Variants in HCN1 observed in about 807,000 individuals in gnomAD.
HCN1 encodes the protein potassium/sodium hyperpolarization-activated cyclic nucleotide-gated channel 1.
Under a neutral mutation model 78.9 loss-of-function variants are expected in HCN1, and 13 were observed. The observed-to-expected ratio is 0.16, with a 90% confidence interval of 0.11 to 0.26. The LOEUF (loss-of-function observed/expected upper bound fraction) is 0.26. Among genes scored for constraint, HCN1 ranks in the 10% least tolerant of loss-of-function variants. The pLI is 1.00. For synonymous variants in HCN1, 552 were observed against 455.5 expected, an observed-to-expected ratio of 1.21 and a Z score of -2.70; for missense variants, 810 against 1,154.3, an observed-to-expected ratio of 0.70 and a Z score of 4.32.
At chr5:45,416,985 G>A (rs555224921) in intron 3 of HCN1, among the ~76,000 whole-genome samples, 43 of 151,952 alleles carry the variant, frequency 2.8e-4, no homozygotes, top group African/African-American at 9.9e-4. Flanking sequence ...ATTCATGTAT[G>A]GACAAAATAA....
At chr5:45,266,141 C>CTT (rs975805638) in intron 7 of HCN1, among the ~76,000 whole-genome samples, 11 of 152,280 alleles carry the variant, frequency 7.2e-5, no homozygotes, top group African/African-American at 2.4e-4. Context: ...TCCAAGCTAA[C>CTT]TTTACTATGG....
chr5:45,265,938 A>C (rs1212014020), intron 7 of HCN1, among the ~76,000 whole-genome samples: 1 of 152,118 alleles, frequency 6.6e-6, no homozygotes, highest in African/African-American at 2.4e-5. Flanking sequence ...CTTAGTAGGG[A>C]GTGGGAGGTC....
At chr5:45,372,153 ATATGT>A (rs1747401274) in intron 4 of HCN1, among the ~76,000 whole-genome samples, 2 of 57,258 alleles carry the variant, frequency 3.5e-5, no homozygotes, top group East Asian at 7.7e-4. Flanking sequence ...ATATTATATA[ATATGT>A]TATTATATAT....
chr5:45,298,042 C>A (rs1419277431), intron 6 of HCN1, among the ~76,000 whole-genome samples: 2 of 151,916 alleles, frequency 1.3e-5, no homozygotes, highest in Non-Finnish European at 2.9e-5. Flanking sequence ...TGCTTTCTCC[C>A]AAAATCAAGA....
intron 2 of HCN1, among the ~76,000 whole-genome samples, chr5:45,594,588 T>A (rs1292929098): frequency 6.6e-6 from 1 of 152,198 alleles, no homozygotes; most frequent in East Asian, 1.9e-4. Context: ...CAGTCAGCAA[T>A]GTCACGAGGG....
intron 6 of HCN1, among the ~76,000 whole-genome samples, chr5:45,300,705 CT>C (rs1214027106): frequency 1.3e-5 from 2 of 152,056 alleles, no homozygotes; most frequent in Non-Finnish European, 2.9e-5. Flanking sequence ...GTTGGTACCC[CT>C]AATCTCCACA....
At chr5:45,692,994 A>G (rs576489776) in intron 1 of HCN1, among the ~76,000 whole-genome samples, 1 of 152,294 alleles carries the variant, frequency 6.6e-6, no homozygotes, top group African/African-American at 2.4e-5. Flanking sequence ...CTCAGTTGTT[A>G]AATGATTAAT....
chr5:45,599,170 C>G (rs1156562766), intron 2 of HCN1, among the ~76,000 whole-genome samples: 1 of 152,092 alleles, frequency 6.6e-6, no homozygotes, highest in African/African-American at 2.4e-5. Context: ...AAATAGCCAT[C>G]AATGCTAGAC....
chr5:45,533,627 T>C (rs1276187130), intron 2 of HCN1, among the ~76,000 whole-genome samples: 2 of 152,198 alleles, frequency 1.3e-5, no homozygotes, highest in Non-Finnish European at 2.9e-5. Flanking sequence ...GTTTTTATTA[T>C]GCCAAAATCC....
At chr5:45,593,317 CT>C (rs1561213336) in intron 2 of HCN1, among the ~76,000 whole-genome samples, 46 of 47,280 alleles carry the variant, frequency 9.7e-4, no homozygotes, top group African/African-American at 2.4e-3. Context: ...CTCTCTCTCT[CT>C]CTCCCTCTCT....
At chr5:45,312,508 A>AGACAGTGGGTGCAG (rs1328520059) in intron 5 of HCN1, among the ~76,000 whole-genome samples, 1 of 152,162 alleles carries the variant, frequency 6.6e-6, no homozygotes, top group Non-Finnish European at 1.5e-5. Context: ...AGCACTTGTC[A>AGACAGTGGGTGCAG]GACAGTGGGT....
intron 6 of HCN1, among the ~76,000 whole-genome samples, chr5:45,284,107 C>T (rs1561088074): frequency 6.6e-6 from 1 of 151,850 alleles, no homozygotes; most frequent in Admixed American, 6.6e-5. Context: ...CTCATGAACA[C>T]AAAGAAGGGA....
chr5:45,449,142 C>T (rs1208454430), intron 3 of HCN1, among the ~76,000 whole-genome samples: 1 of 152,064 alleles, frequency 6.6e-6, no homozygotes, highest in African/African-American at 2.4e-5. Flanking sequence ...TATATAAGCA[C>T]CTTTATTTAC....
chr5:45,352,077 G>C (rs915738837), intron 5 of HCN1, among the ~76,000 whole-genome samples: 1 of 152,114 alleles, frequency 6.6e-6, no homozygotes, highest in Non-Finnish European at 1.5e-5. Context: ...AGATGCACAC[G>C]TATGTTTATT....
chr5:45,536,496 C>T (rs1489766342), intron 2 of HCN1, among the ~76,000 whole-genome samples: 5 of 152,126 alleles, frequency 3.3e-5, no homozygotes, highest in Non-Finnish European at 7.4e-5. Context: ...TCAGTTACTG[C>T]ATTTTTCAGC....
At chr5:45,577,071 T>A (rs906133165) in intron 2 of HCN1, among the ~76,000 whole-genome samples, 1 of 152,058 alleles carries the variant, frequency 6.6e-6, no homozygotes, top group Non-Finnish European at 1.5e-5. Flanking sequence ...TTGGAAGGGT[T>A]GGAGTTAGCT....
At chr5:45,425,429 T>C (rs1179480174) in intron 3 of HCN1, among the ~76,000 whole-genome samples, 1 of 152,212 alleles carries the variant, frequency 6.6e-6, no homozygotes, top group Non-Finnish European at 1.5e-5. Flanking sequence ...CTTGTTAACA[T>C]ATTAGTAATC....
Position 45,348,463 on chromosome 5 carries a change from A to G in HCN1, c.1377+4637T>C, listed in dbSNP as rs113660093. ...CTAGGAAGAAACTGCATCAACTAAC[A>G]AGCAAAATAACCAGCTAACATCATA... On this transcript the variant is annotated intron_variant, in intron 5 of 7. Coordinates refer to ENST00000303230, the MANE Select transcript of HCN1 (RefSeq NM_021072.4). Among the ~76,000 whole-genome samples, 203 of 152,226 alleles carry G rather than the reference A, an allele frequency of 1.3e-3. 2 individuals are homozygous for G. Among genetic ancestry groups the G allele is most frequent in the African/African-American group, 4.7e-3 (196 of 41,540 alleles).
intron 2 of HCN1, among the ~76,000 whole-genome samples, chr5:45,538,469 T>G (rs1369557511): frequency 3.9e-5 from 6 of 152,144 alleles, no homozygotes; most frequent in Non-Finnish European, 8.8e-5. Context: ...TTGTCATAAT[T>G]TTGCTTATTA....
Sources: allele counts gnomAD v4.1 joint callset (sites outside exome capture counted in the v4.1 genomes callset), GRCh38; gene constraint gnomAD v4.1.1; transcripts MANE v1.5; gene names NCBI Gene and HGNC (gene_info 2026-07-23, HGNC 2026-07-21).